Variants in GRM1 observed in about 807,000 individuals in gnomAD.
The protein encoded by GRM1 is glutamate metabotropic receptor 1.
A neutral mutation model predicts 90.9 loss-of-function variants in GRM1; 33 were observed. The observed-to-expected ratio is 0.36, with a 90% CI of 0.28 to 0.49. GRM1 has a LOEUF of 0.49. GRM1 is among the 20% of genes least tolerant of loss of function. GRM1 has a pLI of 0.99. For synonymous variants in GRM1, 700 were observed against 613.2 expected, an observed-to-expected ratio of 1.14 and a Z score of -2.09; for missense variants, 1,190 against 1,534.3, an observed-to-expected ratio of 0.78 and a Z score of 3.75.
intron 7 of GRM1, among the ~76,000 whole-genome samples, chr6:146,408,134 C>T (rs913177854): frequency 1.3e-5 from 2 of 152,038 alleles, no homozygotes; most frequent in Non-Finnish European, 2.9e-5. Flanking sequence ...CTCATTGTAT[C>T]CTCACATGAT....
chr6:146,101,922 C>A (rs1777065864), intron 1 of GRM1, among the ~76,000 whole-genome samples: 1 of 151,380 alleles, frequency 6.6e-6, no homozygotes, highest in Non-Finnish European at 1.5e-5. Context: ...TACTGAGTAT[C>A]TTTTGTGGGG....
chr6:146,388,149 G>A (rs1031767062), intron 6 of GRM1, among the ~76,000 whole-genome samples: 1 of 152,024 alleles, frequency 6.6e-6, no homozygotes, highest in African/African-American at 2.4e-5. Flanking sequence ...AATTTTAGGA[G>A]CCATAGAGGC....
intron 1 of GRM1, among the ~76,000 whole-genome samples, chr6:146,143,461 G>A (rs1326542501): frequency 6.6e-6 from 1 of 152,192 alleles, no homozygotes; most frequent in Non-Finnish European, 1.5e-5. Context: ...ATGATGCTGG[G>A]CAGTATGTCT....
intron 2 of GRM1, among the ~76,000 whole-genome samples, chr6:146,168,248 C>T (rs1777979955): frequency 6.6e-6 from 1 of 151,848 alleles, no homozygotes; most frequent in African/African-American, 2.4e-5. Flanking sequence ...GGCTTACTAG[C>T]TATGACAATT....
At chr6:146,396,926 T>G (rs1218460161) in intron 6 of GRM1, among the ~76,000 whole-genome samples, 2 of 152,180 alleles carry the variant, frequency 1.3e-5, no homozygotes, top group Non-Finnish European at 2.9e-5. Context: ...AAGACCTACA[T>G]GATTACAAAT....
intron 1 of GRM1, among the ~76,000 whole-genome samples, chr6:146,076,800 C>T (rs2128861250): frequency 6.6e-6 from 1 of 152,272 alleles, no homozygotes; most frequent in South Asian, 2.1e-4. Context: ...TAGCACCAGG[C>T]AGTTCTTCAG....
At chr6:146,213,459 G>C (rs770336368) in intron 2 of GRM1, among the ~76,000 whole-genome samples, 1 of 152,268 alleles carries the variant, frequency 6.6e-6, no homozygotes, top group Non-Finnish European at 1.5e-5. Context: ...ATAGATGACA[G>C]ATTGAAGAAA....
At chr6:146,328,282 G>A (rs117154564) in intron 3 of GRM1, among the ~76,000 whole-genome samples, 6 of 152,166 alleles carry the variant, frequency 3.9e-5, no homozygotes, top group East Asian at 3.9e-4. Flanking sequence ...TACCCACTAC[G>A]CCTAAGCCCA....
chr6:146,198,285 A>G (rs190958777), intron 2 of GRM1, among the ~76,000 whole-genome samples: 15 of 152,370 alleles, frequency 9.8e-5, no homozygotes, highest in Admixed American at 9.1e-4. Context: ...GTCATTGTCC[A>G]GGTTCCATCT....
At chr6:146,316,064 A>G (rs1025083440) in intron 3 of GRM1, among the ~76,000 whole-genome samples, 3 of 152,194 alleles carry the variant, frequency 2.0e-5, no homozygotes, top group Admixed American at 6.5e-5. Context: ...TTAGAAGCCT[A>G]TGACGTAACC....
At chr6:146,223,620 A>C (rs1377038820) in intron 2 of GRM1, among the ~76,000 whole-genome samples, 1 of 152,126 alleles carries the variant, frequency 6.6e-6, no homozygotes, top group Non-Finnish European at 1.5e-5. Flanking sequence ...CAGGAATATC[A>C]CTAAAATATA....
intron 3 of GRM1, among the ~76,000 whole-genome samples, chr6:146,334,221 G>T (rs576269905): frequency 6.6e-6 from 1 of 152,264 alleles, no homozygotes; most frequent in East Asian, 1.9e-4. Context: ...TGCAGTCCAG[G>T]CAGTACTCCT....
rs1321139957 is a variant in GRM1 at position 146,398,796 on chromosome 6, T to C, written c.1757T>C (p.Leu586Pro). Residue 586 changes from leucine (L) to proline (P), a missense_variant, in exon 7 of 8, where the codon CTT (leucine) becomes CCT (proline). Transcript: ENST00000282753. ...TGCEPIPVRY[L>P]EWSNIESIIA... ...TGTGAGCCCATTCCTGTGCGCTATC[T>C]TGAGTGGAGCAACATCGAATCCATT... 2.5e-6 allele frequency: 4 copies of C among 1,613,422 alleles called. No individual in the cohort carries two copies. The highest frequency in any genetic ancestry group is 1.1e-5 in the South Asian group (1 of 91,076).
rs541988155 is a variant in GRM1, at chr6:146,219,062, G to A, written c.950+59465G>A. Reference sequence around the variant, plus strand: ...TTCTCCAAATCCCTTGATTGCTCAAGCCTGGGTTATTTTTAAAAGCTTTAG... The same window carrying A: ...TTCTCCAAATCCCTTGATTGCTCAAACCTGGGTTATTTTTAAAAGCTTTAG... On this transcript the variant is annotated intron_variant, in intron 2 of 7. Transcript: ENST00000282753. Among the ~76,000 whole-genome samples the A allele has an allele frequency of 2.0e-4, 30 of 152,200 alleles. No individual in the cohort carries two copies. The South Asian group carries it at 5.8e-3, about 29-fold the overall frequency.
intron 1 of GRM1, among the ~76,000 whole-genome samples, chr6:146,048,204 T>C (rs530417906): frequency 7.9e-5 from 12 of 152,154 alleles, no homozygotes. Context: ...ATTTGTTGAA[T>C]GAATAAGCAA....
At chr6:146,163,501 T>A (rs974151255) in intron 2 of GRM1, among the ~76,000 whole-genome samples, 2 of 152,200 alleles carry the variant, frequency 1.3e-5, no homozygotes, top group African/African-American at 4.8e-5. Context: ...CCTTTCAATG[T>A]ACGGAGTACA....
At chr6:146,143,011 G>A (rs991955719) in intron 1 of GRM1, among the ~76,000 whole-genome samples, 3 of 152,060 alleles carry the variant, frequency 2.0e-5, no homozygotes, top group African/African-American at 7.2e-5. Flanking sequence ...GGTCACACCC[G>A]AAGCCAGCAC....
chr6:146,032,973 C>A (rs1790760551), intron 1 of GRM1, among the ~76,000 whole-genome samples: 1 of 151,374 alleles, frequency 6.6e-6, no homozygotes, highest in South Asian at 2.1e-4. Flanking sequence ...TGTGTTTTAA[C>A]CAGTTACAAT....
At chr6:146,305,193 G>T (rs911652425) in intron 3 of GRM1, among the ~76,000 whole-genome samples, 2 of 151,930 alleles carry the variant, frequency 1.3e-5, no homozygotes, top group Non-Finnish European at 2.9e-5. Flanking sequence ...CAGCAATACT[G>T]GTTAGATCCT....
Sources: gnomAD v4.1 joint callset for allele counts (sites outside exome capture counted in the v4.1 genomes callset) on GRCh38, gnomAD v4.1.1 for gene constraint, MANE v1.5 for transcripts, NCBI Gene and HGNC (gene_info 2026-07-23, HGNC 2026-07-21) for gene names.